The following CAMK1D variants were observed in gnomAD, a reference collection of about 807,000 sequenced individuals.
CAMK1D encodes the protein calcium/calmodulin-dependent protein kinase type 1D.
CAMK1D carries 9 observed loss-of-function variants against 47.7 expected under a neutral mutation model. The observed-to-expected ratio is 0.19, with a 90% CI of 0.11 to 0.33. CAMK1D has a LOEUF of 0.33. CAMK1D is among the 10% of genes least tolerant of loss of function. The probability of loss-of-function intolerance (pLI) is 1.00; values close to 1 mark genes in which losing one functional copy is unlikely to be tolerated. For synonymous variants in CAMK1D, 184 were observed against 184.9 expected, an observed-to-expected ratio of 0.99 and a Z score of 0.04; for missense variants, 291 against 488.7, an observed-to-expected ratio of 0.60 and a Z score of 3.81.
intron 1 of CAMK1D, among the ~76,000 whole-genome samples, chr10:12,539,738 T>G (rs1836103479): frequency 1.3e-5 from 2 of 152,154 alleles, no homozygotes; most frequent in Non-Finnish European, 2.9e-5. Flanking sequence ...GCACAGGTGA[T>G]GAACAAAGGG....
intron 1 of CAMK1D, among the ~76,000 whole-genome samples, chr10:12,373,655 A>C (rs974202165): frequency 3.3e-5 from 5 of 151,572 alleles, no homozygotes; most frequent in African/African-American, 4.9e-5. Context: ...AACAAACAAA[A>C]AAACACCCCA....
chr10:12,637,239 C>T (rs1006167430), intron 2 of CAMK1D, among the ~76,000 whole-genome samples: 17 of 152,020 alleles, frequency 1.1e-4, no homozygotes, highest in Admixed American at 8.5e-4. Context: ...CCCAAAGTGC[C>T]GGGATTACAG....
chr10:12,443,177 C>A (rs996766811), intron 1 of CAMK1D, among the ~76,000 whole-genome samples: 1 of 151,856 alleles, frequency 6.6e-6, no homozygotes, highest in South Asian at 2.1e-4. Flanking sequence ...GAAACTGACT[C>A]GAGGAGGAAA....
intron 10 of CAMK1D, among the ~76,000 whole-genome samples, chr10:12,827,005 C>T (rs1833233627): frequency 6.6e-6 from 1 of 152,236 alleles, no homozygotes; most frequent in Admixed American, 6.5e-5. Flanking sequence ...CTTTTGATGC[C>T]TGCACATCCT....
chr10:12,371,037 TC>T lies in CAMK1D; in HGVS notation c.92+21128del, dbSNP rs146070194. On this transcript the variant is annotated intron_variant, in intron 1 of 10. Coordinates refer to ENST00000619168, the MANE Select transcript of CAMK1D (RefSeq NM_153498.4). ...GTGTTTTAAGCTGTTATTACAAGAG[TC>T]AAAAAATTAAAAAGTTAAGTTACAG... is the stretch of plus-strand genomic sequence containing the variant. 9.3e-3 allele frequency among the ~76,000 whole-genome samples: 1,408 copies of T among 152,038 alleles called. 21 individuals are homozygous for T. Among genetic ancestry groups the T allele is most frequent in the African/African-American group, 0.032 (1,312 of 41,436 alleles).
At chr10:12,520,364 T>A (rs12354073) in intron 1 of CAMK1D, among the ~76,000 whole-genome samples, 726 of 64,500 alleles carry the variant, frequency 0.011, 1 homozygote, top group Middle Eastern at 0.035. Context: ...CACTTCCTAG[T>A]TGGGATGGCG....
chr10:12,550,286 A>T (rs1361654470), intron 1 of CAMK1D, among the ~76,000 whole-genome samples: 2 of 152,254 alleles, frequency 1.3e-5, no homozygotes, highest in Non-Finnish European at 2.9e-5. Flanking sequence ...TGAATGATTT[A>T]TCTGGTATAA....
chr10:12,820,781 C>T (rs1644424), intron 8 of CAMK1D, among the ~76,000 whole-genome samples: 100,156 of 151,730 alleles, frequency 0.66, 33,843 homozygotes, highest in East Asian at 0.82. Flanking sequence ...TAGCAGATGG[C>T]TCCCGCCCCT....
chr10:12,684,157 G>A (rs764287723), intron 3 of CAMK1D, among the ~76,000 whole-genome samples: 2 of 152,156 alleles, frequency 1.3e-5, no homozygotes, highest in Non-Finnish European at 2.9e-5. Context: ...AAGTCAGAGA[G>A]GCCTGTGTGC....
intron 1 of CAMK1D, among the ~76,000 whole-genome samples, chr10:12,387,603 C>G (rs1838571922): frequency 6.7e-6 from 1 of 148,898 alleles, no homozygotes; most frequent in African/African-American, 2.5e-5. Context: ...ACCCACAAGG[C>G]TCAAGTGACC....
intron 2 of CAMK1D, among the ~76,000 whole-genome samples, chr10:12,655,826 G>A (rs1840101690): frequency 6.6e-6 from 1 of 152,180 alleles, no homozygotes; most frequent in South Asian, 2.1e-4. Context: ...ACAACTTCAT[G>A]TCTCAAGAAA....
intron 2 of CAMK1D, among the ~76,000 whole-genome samples, chr10:12,616,915 G>A (rs373996500): frequency 3.9e-5 from 6 of 152,278 alleles, no homozygotes; most frequent in African/African-American, 1.4e-4. Context: ...TTGAATTACC[G>A]GACACCCACT....
At chr10:12,556,492 G>A (rs532753394) in intron 2 of CAMK1D, among the ~76,000 whole-genome samples, 1 of 152,228 alleles carries the variant, frequency 6.6e-6, no homozygotes, top group Non-Finnish European at 1.5e-5. Context: ...TGGGAGGAGA[G>A]GATTCATGGA....
intron 3 of CAMK1D, among the ~76,000 whole-genome samples, chr10:12,738,391 C>A (rs1246158221): frequency 6.6e-6 from 1 of 152,180 alleles, no homozygotes; most frequent in Admixed American, 6.6e-5. Context: ...GACACGTGAG[C>A]TCTTTCCTGT....
At chr10:12,375,934 G>A (rs1409746328) in intron 1 of CAMK1D, among the ~76,000 whole-genome samples, 1 of 151,894 alleles carries the variant, frequency 6.6e-6, no homozygotes, top group African/African-American at 2.4e-5. Flanking sequence ...AGGCTGAGGT[G>A]GGCAGATCAC....
At chr10:12,539,750 G>A (rs1362317741) in intron 1 of CAMK1D, among the ~76,000 whole-genome samples, 1 of 152,212 alleles carries the variant, frequency 6.6e-6, no homozygotes, top group Non-Finnish European at 1.5e-5. Context: ...AACAAAGGGG[G>A]TATCCTGGGG....
At chr10:12,481,290 C>T (rs1416251351) in intron 1 of CAMK1D, among the ~76,000 whole-genome samples, 1 of 152,130 alleles carries the variant, frequency 6.6e-6, no homozygotes, top group Non-Finnish European at 1.5e-5. Flanking sequence ...CCTGGACCCT[C>T]AACTCTTGGC....
At chr10:12,629,010 T>C (rs574424428) in intron 2 of CAMK1D, among the ~76,000 whole-genome samples, 2 of 152,354 alleles carry the variant, frequency 1.3e-5, no homozygotes, top group Non-Finnish European at 2.9e-5. Context: ...CCTGTTCACC[T>C]ACTGGGGGAC....
At chr10:12,715,871 A>G (rs992849005) in intron 3 of CAMK1D, among the ~76,000 whole-genome samples, 1 of 151,582 alleles carries the variant, frequency 6.6e-6, no homozygotes, top group Admixed American at 6.6e-5. Context: ...CACGATGCCT[A>G]GCTAATTTCT....
Sources: gnomAD v4.1 joint callset for allele counts (sites outside exome capture counted in the v4.1 genomes callset) on GRCh38, gnomAD v4.1.1 for gene constraint, MANE v1.5 for transcripts, NCBI Gene and HGNC (gene_info 2026-07-23, HGNC 2026-07-21) for gene names.